The following FLT4 variants were observed in gnomAD, a reference collection of about 807,000 sequenced individuals.
FLT4 encodes vascular endothelial growth factor receptor 3.
Under a neutral mutation model 163.2 loss-of-function variants are expected in FLT4, and 30 were observed. That is an observed-to-expected ratio of 0.18 (90% CI 0.14 to 0.25). The LOEUF (loss-of-function observed/expected upper bound fraction) is 0.25, where lower values mean the gene tolerates loss of function less well. Ranked by LOEUF, FLT4 falls within the 10% of genes least tolerant of loss-of-function variation. The probability of loss-of-function intolerance (pLI) is 1.00; values close to 1 mark genes in which losing one functional copy is unlikely to be tolerated. For missense variants in FLT4, 1,510 were observed against 1,863.8 expected (o/e 0.81, Z 3.50); for synonymous variants, 884 against 789.5 (o/e 1.12, Z -2.01).
chr5:180,613,422 C>A (rs1183399372), intron 24 of FLT4: 1 of 354,112 alleles, frequency 2.8e-6, no homozygotes, highest in Non-Finnish European at 5.1e-6. Flanking sequence ...GGCGGGGGAG[C>A]CGCCTGCAGG....
chr5:180,637,307 G>C (rs187175450), intron 1 of FLT4, among the ~76,000 whole-genome samples: 1 of 148,526 alleles, frequency 6.7e-6, no homozygotes, highest in African/African-American at 2.5e-5. Flanking sequence ...TCCAGCCTGG[G>C]ACAGAGCGAG....
intron 10 of FLT4, among the ~76,000 whole-genome samples, chr5:180,624,713 GTCC>G (rs1459429329): frequency 6.6e-6 from 1 of 152,216 alleles, no homozygotes; most frequent in African/African-American, 2.4e-5. Flanking sequence ...GCCCAGCACA[GTCC>G]CATGCTGCCC....
intron 27 of FLT4, 67 bp downstream of exon 27, chr5:180,611,260 CAGAG>C (rs1449035294): frequency 5.8e-6 from 9 of 1,563,494 alleles, no homozygotes; most frequent in Non-Finnish European, 7.9e-6. Context: ...CCCGATGACG[CAGAG>C]GGATAAAATG....
In FLT4 at chr5:180,639,379, G is replaced by GTGGATGGATGGA. The variant is rs545022264; in HGVS notation, c.59-7613_59-7602dup. Among the ~76,000 whole-genome samples, 1,224 of 142,446 alleles carry GTGGATGGATGGA rather than the reference G, an allele frequency of 8.6e-3. 9 individuals are homozygous for GTGGATGGATGGA. The highest frequency in any genetic ancestry group is 0.025 in the Middle Eastern group (7 of 282). The allele number at this position is 142,446 out of a possible 152,430, so 93.5% of individuals were successfully genotyped here. On this transcript the variant is annotated intron_variant, in intron 1 of 29. Coordinates refer to ENST00000261937, the MANE Select transcript of FLT4 (RefSeq NM_182925.5). The stretch of plus-strand genomic sequence containing the variant: ...GATGGACAGGTAGATGAGTGGATGG[G>GTGGATGGATGGA]TGGATGGATGGATGGATGGACGGAT...
In FLT4 at chr5:180,630,964, C is replaced by A. The variant is rs1218466206; in HGVS notation, c.156-165G>T. Among the ~76,000 whole-genome samples, 2 of 152,022 alleles carry A rather than the reference C, an allele frequency of 1.3e-5. No homozygotes were observed. The highest frequency in any genetic ancestry group is 4.8e-5 in the African/African-American group (2 of 41,402). ...AGACCGTGCCCAGGGCAGGGCACTC[C>A]CCGACCCCCGGGCCTCTACCAGGCT... On this transcript the variant is annotated intron_variant, in intron 2 of 29. Coordinates refer to ENST00000261937, the MANE Select transcript of FLT4 (RefSeq NM_182925.5). This position sits in a 1 kb window ranked among gnomAD's most constrained non-coding sequence, Gnocchi z 6.3.
intron 1 of FLT4, among the ~76,000 whole-genome samples, 184 bp from the exon 2 acceptor site, chr5:180,631,962 C>T (rs1351837545): frequency 2.6e-5 from 4 of 152,222 alleles, no homozygotes; most frequent in East Asian, 1.9e-4. Flanking sequence ...AGCTCCCAGG[C>T]GCCAAGACAG....
rs1319670727 is a variant in FLT4 at position 180,609,938 on chromosome 5, G to A, written c.3774C>T (p.Phe1258=). The A allele has an allele frequency of 6.8e-6, 11 of 1,614,172 alleles. No individual in the cohort carries two copies. Among genetic ancestry groups the A allele is most frequent in the Non-Finnish European group, 8.5e-6 (10 of 1,179,994 alleles). ...CTTTGTAGGTCGTTGGGGTCATGGG[G>A]AATTCCTCAAATGTCTTCATCCTGG... The part of the protein sequence containing the change: ...GSSRMKTFEE[F]PMTPTTYKGS... The change falls in exon 28 of 30, where the codon TTC becomes TTT. Residue 1258 remains phenylalanine (F), a synonymous_variant. Transcript: ENST00000261937.
At position 180,630,081 on chromosome 5, in the gene FLT4, C is replaced by A; in HGVS notation, c.538G>T (p.Gly180Trp). The part of the protein sequence containing the change: ...RSQSSVLWPD[G>W]QEVVWDDRRG... Reference sequence around the variant, plus strand: ...CGGTCATCCCACACCACCTCCTGCCCGTCTGGCCACAGCACCGAGCTTTGC... The same window carrying A: ...CGGTCATCCCACACCACCTCCTGCCAGTCTGGCCACAGCACCGAGCTTTGC... The change falls in exon 5 of 30, where the codon GGG (glycine) becomes TGG (tryptophan). Residue 180 changes from glycine to tryptophan, a missense_variant. Gly to Trp is a radical substitution (Grantham distance 184, BLOSUM62 -2). Around this residue, in one of 5 missense-constraint regions of FLT4, gnomAD observed 163 missense variants for 281.1 expected, o/e 0.58. Coordinates refer to ENST00000261937, the MANE Select transcript of FLT4 (RefSeq NM_182925.5). This position sits in a 1 kb window ranked among gnomAD's most constrained non-coding sequence, Gnocchi z 6.3. The A allele has an allele frequency of 6.2e-7, 1 of 1,612,600 alleles. No homozygotes were observed. The highest frequency in any genetic ancestry group is 8.5e-7 in the Non-Finnish European group (1 of 1,179,962).
chr5:180,632,276 T>C (rs1332228968), intron 1 of FLT4, among the ~76,000 whole-genome samples: 1 of 152,120 alleles, frequency 6.6e-6, no homozygotes. Context: ...GCCAGGGGCC[T>C]CGCCCCCTCC....
At chr5:180,642,210 A>G (rs1407740868) in intron 1 of FLT4, among the ~76,000 whole-genome samples, 1 of 151,326 alleles carries the variant, frequency 6.6e-6, no homozygotes, top group Non-Finnish European at 1.5e-5. Context: ...CTGTGTGAAA[A>G]AAAAAAAAAA....
chr5:180,630,604 C>T lies in FLT4; in HGVS notation c.351G>A (p.Lys117=), dbSNP rs1347563986. The change falls in exon 3 of 30, where the codon AAG becomes AAA. Residue 117 remains lysine (K), a synonymous_variant. Coordinates refer to ENST00000261937, the MANE Select transcript of FLT4 (RefSeq NM_182925.5). This position sits in a 1 kb window ranked among gnomAD's most constrained non-coding sequence, Gnocchi z 6.3. ...CGGCCGTGGTGCCCTCGATGCGTGC[C>T]TTGATGTACTTGTAGTAGCAGACGT... The part of the protein sequence containing the change: ...GSYVCYYKYI[K]ARIEGTTAAS... 1 of 1,613,108 alleles carries T rather than the reference C, an allele frequency of 6.2e-7. No individual in the cohort carries two copies. Among genetic ancestry groups the T allele is most frequent in the Admixed American group, 1.7e-5 (1 of 60,028 alleles).
intron 29 of FLT4, among the ~76,000 whole-genome samples, chr5:180,603,963 C>T (rs1369384482): frequency 1.3e-5 from 2 of 151,690 alleles, no homozygotes; most frequent in Non-Finnish European, 2.9e-5. Context: ...CAAGATCGTG[C>T]CGCTGCACTC....
chr5:180,631,469 T>A (rs1480562683), intron 2 of FLT4, among the ~76,000 whole-genome samples: 3 of 150,784 alleles, frequency 2.0e-5, no homozygotes, highest in African/African-American at 7.3e-5. Context: ...TGAGACTCCA[T>A]CTCAGAAAAA....
At position 180,636,814 on chromosome 5, in the gene FLT4, C is replaced by T. The variant is rs1418531600; in HGVS notation, c.59-5036G>A. On this transcript the variant is annotated intron_variant, in intron 1 of 29. Transcript: ENST00000261937. This position sits in a 1 kb window ranked among gnomAD's most constrained non-coding sequence, Gnocchi z 4.3. ...TCATCAAAGCCCCCACTGCTTCCTC[C>T]CCACCCCTTGGTGCCCTCCCGGTGC... 2.0e-5 allele frequency among the ~76,000 whole-genome samples: 3 copies of T among 152,076 alleles called. No homozygotes were observed. The highest frequency in any genetic ancestry group is 4.4e-5 in the Non-Finnish European group (3 of 68,014).
intron 1 of FLT4, among the ~76,000 whole-genome samples, chr5:180,639,177 G>A (rs1398750597): frequency 8.5e-6 from 1 of 117,034 alleles, no homozygotes; most frequent in Non-Finnish European, 1.8e-5. Context: ...AAGGATGGAT[G>A]GGTGGATGGA....
At chr5:180,618,986 C>G (rs774180284) in intron 20 of FLT4, 35 bp downstream of exon 20, 15 of 1,549,134 alleles carry the variant, frequency 9.7e-6, no homozygotes, top group African/African-American at 1.4e-5. Flanking sequence ...TCCATTCCCC[C>G]GCCGCCCGCG....
chr5:180,628,331 C>A lies in FLT4; in HGVS notation c.1103+551G>T, dbSNP rs554852632. Reference sequence around the variant, plus strand: ...AGACAGGGCCACCCCTGAGGCCTCCCTTCTCTGGGCCGCAGCACACGCTTG... The same window carrying A: ...AGACAGGGCCACCCCTGAGGCCTCCATTCTCTGGGCCGCAGCACACGCTTG... On this transcript the variant is annotated intron_variant, in intron 8 of 29. Transcript: ENST00000261937. Among the ~76,000 whole-genome samples the A allele has an allele frequency of 3.6e-4, 55 of 152,318 alleles. 1 individual carries two copies. Among genetic ancestry groups the A allele is most frequent in the African/African-American group, 1.3e-3 (53 of 41,572 alleles).
At chr5:180,648,447 A>G (rs1765583849) in intron 1 of FLT4, among the ~76,000 whole-genome samples, 2 of 152,212 alleles carry the variant, frequency 1.3e-5, no homozygotes, top group Non-Finnish European at 2.9e-5. Flanking sequence ...ACTCCCTGTG[A>G]GAATTACAAG....
At position 180,621,705 on chromosome 5, in the gene FLT4, AG is replaced by A; in HGVS notation, c.1856del (p.Pro619LeufsTer20). 6.2e-7 allele frequency: 1 copy of A among 1,612,758 alleles called. No homozygotes were observed. The highest frequency in any genetic ancestry group is 2.2e-5 in the East Asian group (1 of 44,866). On this transcript the variant is annotated frameshift_variant, in exon 13 of 30. Coordinates refer to ENST00000261937, the MANE Select transcript of FLT4 (RefSeq NM_182925.5). LOFTEE classifies it high-confidence loss of function. ...DCKNVHLFATPLAASLEEVAP... is the reference protein window; with the variant it reads ...DCKNVHLFATXLAASLEEVAP... ...CCACCTCCTCCAGGCTGGCGGCCAG[AG>A]GGGTGGCGAACAGATGCACGTTCTT...
Sources: allele counts gnomAD v4.1 joint callset (sites outside exome capture counted in the v4.1 genomes callset), GRCh38; gene constraint gnomAD v4.1.1; regional missense constraint gnomAD v4.1.1; non-coding constraint Gnocchi (gnomAD v3.1); transcripts MANE v1.5; gene names NCBI Gene and HGNC (gene_info 2026-07-23, HGNC 2026-07-21).